The following NRP2 variants were observed in gnomAD, a reference collection of about 807,000 sequenced individuals.
The protein encoded by NRP2 is neuropilin-2.
NRP2 carries 52 observed loss-of-function variants against 110.4 expected under a neutral mutation model. The observed-to-expected ratio is 0.47, with a 90% CI of 0.38 to 0.59. The LOEUF is 0.59. NRP2 is among the 20% of genes least tolerant of loss of function. The pLI is 0.00. For synonymous variants in NRP2, 508 were observed against 468.9 expected (o/e 1.08, Z -1.08); for missense variants, 1,049 against 1,203.0 (o/e 0.87, Z 1.89).
In NRP2 at chr2:205,776,476, G is replaced by A. The variant is rs1162477072; in HGVS notation, c.2425+9673G>A. On this transcript the variant is annotated intron_variant, in intron 15 of 16. Coordinates refer to ENST00000357785, the MANE Select transcript of NRP2 (RefSeq NM_003872.3). ...CACCAACGGGGCCCCTCTGGCGGTG[G>A]AGCCCACCCTAACCATTAAGCTAGA... The A allele has an allele frequency of 3.1e-6, 5 of 1,611,328 alleles. No homozygotes were observed. In the Admixed American group the frequency reaches 6.7e-5, roughly 21 times the overall value.
Position 205,723,882 on chromosome 2 carries a change from G to C in NRP2, c.762G>C (p.Ala254=). ...CCCTGACCTTTCACACGGACATGGC[G>C]GTGGCCAAGGATGGCTTCTCTGCGC... The part of the protein sequence containing the change: ...ILSLTFHTDM[A]VAKDGFSARY... Residue 254 remains alanine, a synonymous_variant, in exon 5 of 17, where the codon GCG becomes GCC. Transcript: ENST00000357785. The C allele has an allele frequency of 1.2e-6, 2 of 1,614,180 alleles. No individual in the cohort carries two copies. The highest frequency in any genetic ancestry group is 1.7e-6 in the Non-Finnish European group (2 of 1,180,026).
intron 1 of NRP2, among the ~76,000 whole-genome samples, chr2:205,684,946 G>C (rs2056109928): frequency 6.6e-6 from 1 of 151,812 alleles, no homozygotes; most frequent in South Asian, 2.1e-4. Context: ...GCCCCAGCGC[G>C]CGAGCGCGCA....
intron 2 of NRP2, among the ~76,000 whole-genome samples, chr2:205,710,036 G>A (rs889050833): frequency 3.3e-5 from 5 of 152,184 alleles, no homozygotes; most frequent in African/African-American, 9.7e-5. Context: ...ATTTTGGTAA[G>A]TCCTTCAGCC....
At chr2:205,689,251 G>C (rs1344196617) in intron 1 of NRP2, among the ~76,000 whole-genome samples, 1 of 152,242 alleles carries the variant, frequency 6.6e-6, no homozygotes, top group Admixed American at 6.5e-5. Context: ...CCTGGGTTTA[G>C]AATCTAGCTC....
At chr2:205,777,667 T>C (rs1288053780) in intron 15 of NRP2, 1 of 152,182 alleles carries the variant, frequency 6.6e-6, no homozygotes, top group Admixed American at 6.5e-5. Flanking sequence ...ATATTGGTCA[T>C]TGTAATAGCA....
chr2:205,722,575 T>C lies in NRP2; in HGVS notation c.531T>C (p.Phe177=). The change falls in exon 4 of 17, where the codon TTT becomes TTC. Residue 177 remains phenylalanine, a synonymous_variant. Coordinates refer to ENST00000357785, the MANE Select transcript of NRP2 (RefSeq NM_003872.3). ...EKYPHNLDCT[F]TILAKPKMEI... ...ATCCACACAACTTGGACTGCACCTT[T>C]ACCATCCTGGCCAAACCCAAGATGG... 2.5e-6 allele frequency: 4 copies of C among 1,614,214 alleles called. No individual in the cohort carries two copies. Among genetic ancestry groups the C allele is most frequent in the Non-Finnish European group, 3.4e-6 (4 of 1,180,038 alleles).
chr2:205,745,967 G>C, intron 10 of NRP2, 77 bp downstream of exon 10: 1 of 1,544,350 alleles, frequency 6.5e-7, no homozygotes, highest in South Asian at 1.1e-5. Flanking sequence ...GCCCTGGGAG[G>C]GCTGTGGAGG....
At chr2:205,732,547 C>T (rs991013357) in intron 7 of NRP2, among the ~76,000 whole-genome samples, 2 of 152,222 alleles carry the variant, frequency 1.3e-5, no homozygotes, top group South Asian at 2.1e-4. Context: ...AATGGAATGG[C>T]GCTGCGGCTG....
chr2:205,749,752 G>A lies in NRP2; in HGVS notation c.1814G>A (p.Gly605Glu). The A allele has an allele frequency of 6.2e-7, 1 of 1,614,134 alleles. No homozygotes were observed. The highest frequency in any genetic ancestry group is 8.5e-7 in the Non-Finnish European group (1 of 1,179,998). Reference protein sequence around the residue: ...TDSKPTVETLGPTVKSEETTT... With the variant: ...TDSKPTVETLEPTVKSEETTT... The stretch of plus-strand genomic sequence containing the variant: ...TCCAAGCCCACGGTAGAGACGCTGG[G>A]ACCCACTGTGAAGAGCGAAGAGACA... Residue 605 changes from glycine to glutamate, a missense_variant, in exon 11 of 17, where the codon GGA (glycine) becomes GAA (glutamate). Physicochemically the swap from Gly to Glu is moderately conservative, Grantham distance 98. Transcript: ENST00000357785.
chr2:205,685,022 G>C (rs959795773), intron 1 of NRP2, among the ~76,000 whole-genome samples: 20 of 152,064 alleles, frequency 1.3e-4, no homozygotes, highest in African/African-American at 4.6e-4. Context: ...GTGCGGAGCG[G>C]GAGGGGTCGT....
At chr2:205,684,079 T>C (rs2056084808) in intron 1 of NRP2, among the ~76,000 whole-genome samples, 1 of 152,234 alleles carries the variant, frequency 6.6e-6, no homozygotes, top group Non-Finnish European at 1.5e-5. Flanking sequence ...CTCTCACTCT[T>C]GTGAAGTGGT....
At chr2:205,776,702 G>A in intron 15 of NRP2, 1 of 1,494,674 alleles carries the variant, frequency 6.7e-7, no homozygotes, top group Non-Finnish European at 8.9e-7. Context: ...GGTTCATTTT[G>A]GTTTCTGGTT....
chr2:205,753,173 A>AGCTGTGTG (rs2057678514), intron 12 of NRP2, among the ~76,000 whole-genome samples, 198 bp downstream of exon 12: 2 of 152,282 alleles, frequency 1.3e-5, no homozygotes, highest in East Asian at 3.9e-4. Flanking sequence ...CTCTCTTGTG[A>AGCTGTGTG]TTACAGCACA....
At chr2:205,786,686 T>C (rs2058239488) in intron 15 of NRP2, among the ~76,000 whole-genome samples, 1 of 152,238 alleles carries the variant, frequency 6.6e-6, no homozygotes, top group South Asian at 2.1e-4. Flanking sequence ...GTTAAGTGGA[T>C]GTGCTAAGAC....
In NRP2 at chr2:205,764,049, C is replaced by T. The variant is rs1575648792; in HGVS notation, c.2307+113C>T. 3.0e-6 allele frequency: 4 copies of T among 1,349,404 alleles called. No individual in the cohort carries two copies. The African/African-American group carries it at 4.3e-5, about 15-fold the overall frequency. The allele number at this position is 1,349,404 out of a possible 1,614,324, so 83.6% of individuals were successfully genotyped here. A position where few individuals can be genotyped will look rare whatever the true frequency, so the allele number is the denominator to read the frequency against. On this transcript the variant is annotated intron_variant, in intron 13 of 16. Coordinates refer to ENST00000357785, the MANE Select transcript of NRP2 (RefSeq NM_003872.3). Reference sequence around the variant, plus strand: ...GCTACTGTTTTCATTGTGTTTCTCACGTTGCCATGGCAACTGAATGACACT... The same window carrying T: ...GCTACTGTTTTCATTGTGTTTCTCATGTTGCCATGGCAACTGAATGACACT...
intron 15 of NRP2, among the ~76,000 whole-genome samples, chr2:205,771,815 C>T (rs940834954): frequency 1.3e-5 from 2 of 152,216 alleles, no homozygotes; most frequent in African/African-American, 4.8e-5. Context: ...ACAGGACATA[C>T]AGTCTCTGTT....
At chr2:205,688,618 T>G (rs1189083262) in intron 1 of NRP2, among the ~76,000 whole-genome samples, 1 of 152,114 alleles carries the variant, frequency 6.6e-6, no homozygotes, top group Non-Finnish European at 1.5e-5. Context: ...AAGGCTGAGC[T>G]CCGATCCTCT....
rs1381284598 is a variant in NRP2, at chr2:205,723,877, A to G, written c.757A>G (p.Met253Val). The change falls in exon 5 of 17, where the codon ATG becomes GTG. Residue 253 changes from methionine to valine, a missense_variant. Coordinates refer to ENST00000357785, the MANE Select transcript of NRP2 (RefSeq NM_003872.3). The stretch of plus-strand genomic sequence containing the variant: ...CCTCTCCCTGACCTTTCACACGGAC[A>G]TGGCGGTGGCCAAGGATGGCTTCTC... ...GILSLTFHTD[M>V]AVAKDGFSAR... is the part of the protein sequence containing the mutation. 1 of 1,614,220 alleles carries G rather than the reference A, an allele frequency of 6.2e-7. No individual in the cohort carries two copies. Among genetic ancestry groups the G allele is most frequent in the Non-Finnish European group, 8.5e-7 (1 of 1,180,044 alleles).
At chr2:205,782,195 A>G (rs1487314543) in intron 15 of NRP2, among the ~76,000 whole-genome samples, 1 of 152,158 alleles carries the variant, frequency 6.6e-6, no homozygotes, top group Non-Finnish European at 1.5e-5. Context: ...TGGGTAAAAC[A>G]GTTGTTCTTG....
Sources: gnomAD v4.1 joint callset for allele counts (sites outside exome capture counted in the v4.1 genomes callset) on GRCh38, gnomAD v4.1.1 for gene constraint, MANE v1.5 for transcripts, NCBI Gene and HGNC (gene_info 2026-07-23, HGNC 2026-07-21) for gene names.